The following ITSN1 variants were observed in gnomAD, a reference collection of about 807,000 sequenced individuals.
ITSN1 encodes intersectin-1.
A neutral mutation model predicts 239.8 loss-of-function variants in ITSN1; 58 were observed. The ratio of observed to expected loss-of-function variants is 0.24; its 90% CI spans 0.20 to 0.30. The LOEUF (loss-of-function observed/expected upper bound fraction) is 0.30, where lower values mean the gene tolerates loss of function less well. ITSN1 is among the 10% of genes least tolerant of loss of function. The pLI, the probability that ITSN1 is intolerant of heterozygous loss-of-function variation, is 1.00. For synonymous variants in ITSN1, 780 were observed against 770.8 expected (o/e 1.01, Z -0.20); for missense variants, 1,558 against 2,103.3 (o/e 0.74, Z 5.07).
chr21:33,838,562 C>CTAGA (rs1328539869), intron 29 of ITSN1: 1 of 618,798 alleles, frequency 1.6e-6, no homozygotes, highest in East Asian at 1.4e-4. Context: ...ACCAAGCAGA[C>CTAGA]TAGATGTCAG....
At chr21:33,755,479 C>T in intron 8 of ITSN1, 82 bp downstream of exon 8, 1 of 746,862 alleles carries the variant, frequency 1.3e-6, no homozygotes, top group Non-Finnish European at 2.2e-6. Context: ...TAGATATTTT[C>T]CATGTCTGTG....
At chr21:33,716,026 CAG>C (rs1416263260) in intron 1 of ITSN1, among the ~76,000 whole-genome samples, 2 of 152,108 alleles carry the variant, frequency 1.3e-5, no homozygotes, top group Admixed American at 6.6e-5. Flanking sequence ...TTTTTCAAAA[CAG>C]AAAGTGAATG....
At chr21:33,682,385 T>TC (rs1169131129) in intron 1 of ITSN1, among the ~76,000 whole-genome samples, 2 of 152,092 alleles carry the variant, frequency 1.3e-5, no homozygotes, top group Non-Finnish European at 2.9e-5. Flanking sequence ...CCGGCTAATT[T>TC]TGTATTTTTG....
chr21:33,727,912 G>T (rs1256430486), intron 4 of ITSN1, among the ~76,000 whole-genome samples: 1 of 151,770 alleles, frequency 6.6e-6, no homozygotes, highest in African/African-American at 2.4e-5. Context: ...ATCTGGACTG[G>T]GTTCTCTCTT....
intron 1 of ITSN1, among the ~76,000 whole-genome samples, chr21:33,661,323 T>G (rs1287766735): frequency 2.0e-5 from 3 of 152,162 alleles, no homozygotes; most frequent in Non-Finnish European, 4.4e-5. Flanking sequence ...GTGTAGCACA[T>G]AAATGCTTTG....
intron 5 of ITSN1, among the ~76,000 whole-genome samples, chr21:33,746,653 C>G (rs1382092520): frequency 6.6e-6 from 1 of 152,116 alleles, no homozygotes; most frequent in Non-Finnish European, 1.5e-5. Context: ...CCCACCTGGC[C>G]AACATGATGA....
chr21:33,664,677 A>T (rs752064988), intron 1 of ITSN1, among the ~76,000 whole-genome samples: 2 of 152,196 alleles, frequency 1.3e-5, no homozygotes, highest in Non-Finnish European at 2.9e-5. Context: ...GTCTCATAAG[A>T]TTGTTGTGAG....
chr21:33,817,702 C>T (rs984047893), intron 22 of ITSN1: 1 of 1,045,750 alleles, frequency 9.6e-7, no homozygotes, highest in Non-Finnish European at 1.2e-6. Flanking sequence ...TGGGGCAGTG[C>T]ATGTAGATGT....
chr21:33,735,839 C>G (rs2066466138), intron 5 of ITSN1, among the ~76,000 whole-genome samples: 1 of 151,942 alleles, frequency 6.6e-6, no homozygotes, highest in Admixed American at 6.6e-5. Flanking sequence ...CCCATCTCTA[C>G]TGAAAATATA....
At chr21:33,762,085 A>G (rs1276127426) in intron 9 of ITSN1, 99 bp downstream of exon 9, 3 of 843,188 alleles carry the variant, frequency 3.6e-6, no homozygotes, top group Non-Finnish European at 6.1e-6. Context: ...TTATGGGGGA[A>G]TATGTAGAAT....
intron 4 of ITSN1, among the ~76,000 whole-genome samples, chr21:33,724,310 C>T (rs1182174420): frequency 6.6e-6 from 1 of 152,116 alleles, no homozygotes. Context: ...GATAACCAAG[C>T]GGTTTTGGAA....
intron 7 of ITSN1, among the ~76,000 whole-genome samples, chr21:33,754,455 G>A (rs926535357): frequency 9.9e-5 from 15 of 152,228 alleles, no homozygotes; most frequent in African/African-American, 3.6e-4. Flanking sequence ...AGCATTAGCT[G>A]TAATCTGTCC....
At chr21:33,755,753 G>T (rs1045501152) in intron 8 of ITSN1, among the ~76,000 whole-genome samples, 1 of 152,160 alleles carries the variant, frequency 6.6e-6, no homozygotes, top group African/African-American at 2.4e-5. Flanking sequence ...CTGTTCACTA[G>T]GTTAGAGTTG....
At chr21:33,648,633 C>T (rs2088200430) in intron 1 of ITSN1, among the ~76,000 whole-genome samples, 1 of 152,036 alleles carries the variant, frequency 6.6e-6, no homozygotes, top group East Asian at 1.9e-4. Context: ...ATTACTTGAG[C>T]CCAGGAGTTC....
At chr21:33,693,390 C>T (rs1366898820) in intron 1 of ITSN1, among the ~76,000 whole-genome samples, 2 of 151,280 alleles carry the variant, frequency 1.3e-5, no homozygotes, top group African/African-American at 4.9e-5. Context: ...GAGTTTTACT[C>T]TTATTGTCCA....
At chr21:33,823,184 A>T (rs931971724) in intron 24 of ITSN1, among the ~76,000 whole-genome samples, 17 of 152,364 alleles carry the variant, frequency 1.1e-4, no homozygotes, top group African/African-American at 4.1e-4. Flanking sequence ...AGAAATCATG[A>T]TGCTAAATGG....
chr21:33,713,564 T>G (rs972202871), intron 1 of ITSN1, among the ~76,000 whole-genome samples: 7 of 152,064 alleles, frequency 4.6e-5, no homozygotes, highest in African/African-American at 1.7e-4. Flanking sequence ...CTTTTACAAA[T>G]TACTATATTT....
At chr21:33,838,293 C>G (rs1000185955) in intron 29 of ITSN1, 17 of 985,264 alleles carry the variant, frequency 1.7e-5, no homozygotes, top group Non-Finnish European at 3.6e-6. Flanking sequence ...TGTCGGGAGG[C>G]TGTGCTGGTG....
rs1569199991 is a variant in ITSN1 at position 33,797,462 on chromosome 21, A to T, written c.2036A>T (p.Glu679Val). 6.2e-7 allele frequency: 1 copy of T among 1,614,148 alleles called. No individual in the cohort carries two copies. Among genetic ancestry groups the T allele is most frequent in the Non-Finnish European group, 8.5e-7 (1 of 1,180,032 alleles). The change falls in exon 18 of 40, where the codon GAG becomes GTG. Residue 679 changes from glutamate (E) to valine (V), a missense_variant. Physicochemically the swap from Glu to Val is moderately radical, Grantham distance 121 (BLOSUM62 -2). Around this residue, in one of 2 missense-constraint regions of ITSN1, gnomAD observed 982 missense variants for 1,209.9 expected, o/e 0.81. Transcript: ENST00000381318. This position sits in a 1 kb window ranked among gnomAD's most constrained non-coding sequence, Gnocchi z 4.9. ...CAGAGACCAAGAAAACTCCACGAAG[A>T]GGAAAAACTGAAAAGGGAGGAGAGT... ...EHQRPRKLHE[E>V]EKLKREESVK... is the part of the protein sequence containing the mutation.
Sources: gnomAD v4.1 joint callset for allele counts (sites outside exome capture counted in the v4.1 genomes callset) on GRCh38, gnomAD v4.1.1 for gene constraint, gnomAD v4.1.1 regional missense constraint, Gnocchi (gnomAD v3.1) non-coding constraint, MANE v1.5 for transcripts, NCBI Gene and HGNC (gene_info 2026-07-23, HGNC 2026-07-21) for gene names.